The following SATB2 variants were observed in gnomAD, a reference collection of about 807,000 sequenced individuals.
SATB2 encodes DNA-binding protein SATB2.
Under a neutral mutation model 73.4 loss-of-function variants are expected in SATB2, and 1 was observed. That is an observed-to-expected ratio of 0.01 (90% CI 0.00 to 0.06). The LOEUF is 0.06. SATB2 is among the 10% of genes least tolerant of loss of function. The probability of loss-of-function intolerance (pLI) is 1.00; values close to 1 mark genes in which losing one functional copy is unlikely to be tolerated. For synonymous variants in SATB2, 397 were observed against 367.0 expected, an observed-to-expected ratio of 1.08 and a Z score of -0.93; for missense variants, 459 against 945.8, an observed-to-expected ratio of 0.49 and a Z score of 6.75.
chr2:199,297,779 C>A (rs139861747), intron 10 of SATB2, among the ~76,000 whole-genome samples: 10 of 138,738 alleles, frequency 7.2e-5, no homozygotes, highest in African/African-American at 1.8e-4. Context: ...GCTGAAGTAG[C>A]CTTTTTGCTT....
chr2:199,381,979 A>T (rs868378979), intron 3 of SATB2, among the ~76,000 whole-genome samples, 159 bp from the exon 4 acceptor site: 1 of 152,230 alleles, frequency 6.6e-6, no homozygotes, highest in Non-Finnish European at 1.5e-5. Context: ...CTGGCCGACA[A>T]TTGAGTTAGT....
upstream of SATB2, chr2:199,458,673 C>G (rs774966810): frequency 7.1e-4 from 313 of 442,216 alleles, 2 homozygotes; most frequent in Non-Finnish European, 1.3e-3. Flanking sequence ...CAAGAGGCGA[C>G]CGCGGCTGCC....
upstream of SATB2, chr2:199,458,841 G>T: frequency 3.2e-6 from 1 of 311,830 alleles, no homozygotes; most frequent in South Asian, 2.3e-5. Context: ...GCGCCGAGCC[G>T]AACGTCCCGG....
chr2:199,439,921 T>A (rs982743014), intron 2 of SATB2, among the ~76,000 whole-genome samples: 2 of 151,992 alleles, frequency 1.3e-5, no homozygotes, highest in Admixed American at 1.3e-4. Flanking sequence ...CTGACCAACA[T>A]GGTGAGACCC....
intron 7 of SATB2, among the ~76,000 whole-genome samples, chr2:199,346,559 C>T (rs1395811167): frequency 6.6e-6 from 1 of 152,210 alleles, no homozygotes; most frequent in Non-Finnish European, 1.5e-5. Context: ...AGATCCAACA[C>T]ACTTTCGAAT....
chr2:199,331,274 G>A (rs527472190), intron 7 of SATB2, among the ~76,000 whole-genome samples: 1 of 149,224 alleles, frequency 6.7e-6, no homozygotes, highest in Non-Finnish European at 1.5e-5. Context: ...TTTACATACT[G>A]GAAAACCTTA....
chr2:199,362,745 T>C (rs1043816824), intron 6 of SATB2, among the ~76,000 whole-genome samples: 1 of 152,206 alleles, frequency 6.6e-6, no homozygotes, highest in Non-Finnish European at 1.5e-5. Context: ...ACAAGATATG[T>C]GTTATATTAT....
Position 199,276,608 on chromosome 2 carries a change from T to A in SATB2, c.1741-3936A>T, listed in dbSNP as rs907988867. On this transcript the variant is annotated intron_variant, in intron 10 of 10. Transcript: ENST00000417098. ...AATTACTCCAACTAAGAGAATGCCC[T>A]GCAAAATGAATAAAATTCTCTTTCC... Among the ~76,000 whole-genome samples, 5 of 152,192 alleles carry A rather than the reference T, an allele frequency of 3.3e-5. 1 individual carries two copies. In the East Asian group the frequency reaches 5.8e-4, roughly 18 times the overall value.
intron 5 of SATB2, among the ~76,000 whole-genome samples, chr2:199,379,682 C>CTTTTTTTTTTTTTTTTT (rs71015899): frequency 9.2e-6 from 1 of 108,264 alleles, no homozygotes; most frequent in Non-Finnish European, 1.9e-5. Context: ...CTTTTCTTTT[C>CTTTTTTTTTTTTTTTTT]TTTTTTTTTT....
At chr2:199,337,388 GTCATAATTATTAGTGGA>G (rs966668317) in intron 7 of SATB2, among the ~76,000 whole-genome samples, 1 of 152,106 alleles carries the variant, frequency 6.6e-6, no homozygotes, top group Non-Finnish European at 1.5e-5. Flanking sequence ...TCAAACATGG[GTCATAATTATTAGTGGA>G]TCATAATTAA....
intron 6 of SATB2, 126 bp downstream of exon 6, chr2:199,368,479 A>G (rs1689351728): frequency 2.9e-6 from 2 of 681,110 alleles, no homozygotes; most frequent in Non-Finnish European, 5.3e-6. Flanking sequence ...CAGGAATATT[A>G]AAGATCTCAC....
intron 10 of SATB2, among the ~76,000 whole-genome samples, chr2:199,306,738 T>C (rs1574490241): frequency 6.6e-6 from 1 of 152,254 alleles, no homozygotes; most frequent in East Asian, 1.9e-4. Context: ...AATATATTTT[T>C]AGCTACCTAA....
intron 6 of SATB2, among the ~76,000 whole-genome samples, chr2:199,366,698 T>C (rs1689294155): frequency 6.6e-6 from 1 of 151,322 alleles, no homozygotes; most frequent in South Asian, 2.1e-4. Context: ...GAATAGTATG[T>C]GTACACAGTG....
chr2:199,430,192 G>T (rs951840766), intron 3 of SATB2, among the ~76,000 whole-genome samples: 5 of 152,132 alleles, frequency 3.3e-5, no homozygotes, highest in African/African-American at 1.2e-4. Flanking sequence ...AGGATGAAAA[G>T]GAAAGAAGAA....
intron 5 of SATB2, among the ~76,000 whole-genome samples, chr2:199,373,692 T>C (rs1421856819): frequency 6.6e-6 from 1 of 152,194 alleles, no homozygotes; most frequent in Non-Finnish European, 1.5e-5. Flanking sequence ...AATGGCATCT[T>C]TCTCCCCACT....
chr2:199,366,141 T>C (rs928331817), intron 6 of SATB2, among the ~76,000 whole-genome samples: 2 of 152,000 alleles, frequency 1.3e-5, no homozygotes, highest in Non-Finnish European at 2.9e-5. Flanking sequence ...TGCATGTAAA[T>C]TGGTAACTTT....
At chr2:199,418,190 C>A (rs1240757109) in intron 3 of SATB2, among the ~76,000 whole-genome samples, 2 of 152,130 alleles carry the variant, frequency 1.3e-5, no homozygotes, top group Non-Finnish European at 2.9e-5. Context: ...ATAATTACTA[C>A]CCTGATTTCA....
chr2:199,274,236 G>C (rs146698848), intron 10 of SATB2, among the ~76,000 whole-genome samples: 2 of 151,944 alleles, frequency 1.3e-5, no homozygotes, highest in South Asian at 4.1e-4. Context: ...AAGAAAACAC[G>C]TCTAGTTACA....
chr2:199,396,939 A>C (rs1239595721), intron 3 of SATB2: 1 of 152,206 alleles, frequency 6.6e-6, no homozygotes, highest in African/African-American at 2.4e-5. Context: ...ATGCTAGTGC[A>C]TACATTTTCC....
Sources: gnomAD v4.1 joint callset for allele counts (sites outside exome capture counted in the v4.1 genomes callset) on GRCh38, gnomAD v4.1.1 for gene constraint, MANE v1.5 for transcripts, NCBI Gene and HGNC (gene_info 2026-07-23, HGNC 2026-07-21) for gene names.